Variants in SGCD observed in about 807,000 individuals in gnomAD.
SGCD encodes delta-sarcoglycan.
Under a neutral mutation model 36.6 loss-of-function variants are expected in SGCD, and 18 were observed. The ratio of observed to expected loss-of-function variants is 0.49; its 90% CI spans 0.34 to 0.73. The LOEUF is 0.73. Ranked by LOEUF, SGCD falls within the 30% of genes least tolerant of loss-of-function variation. The probability of loss-of-function intolerance (pLI) is 0.01; values close to 1 mark genes in which losing one functional copy is unlikely to be tolerated. For synonymous variants in SGCD, 133 were observed against 130.6 expected (o/e 1.02, Z -0.12); for missense variants, 387 against 346.7 (o/e 1.12, Z -0.92).
Position 156,602,185 on chromosome 5 carries a change from A to G in SGCD, c.502+7134A>G, listed in dbSNP as rs540089391. On this transcript the variant is annotated intron_variant, in intron 6 of 8. Coordinates refer to ENST00000337851, the MANE Select transcript of SGCD (RefSeq NM_000337.6). The stretch of plus-strand genomic sequence containing the variant: ...CACCTCCTTGCTTAAGTTTATTCAT[A>G]GGTATCTTATTTTTCGTAGCTATTG... 5.9e-5 allele frequency among the ~76,000 whole-genome samples: 9 copies of G among 152,276 alleles called. No homozygotes were observed. The East Asian group carries it at 1.7e-3, about 29-fold the overall frequency.
At chr5:156,055,855 A>G (rs1310047322) in intron 1 of SGCD, among the ~76,000 whole-genome samples, 1 of 146,244 alleles carries the variant, frequency 6.8e-6, no homozygotes, top group East Asian at 1.9e-4. Flanking sequence ...GCTTGCCACA[A>G]TGAAAGCATG....
chr5:156,506,177 C>G (rs923523744), intron 3 of SGCD, among the ~76,000 whole-genome samples: 8 of 152,066 alleles, frequency 5.3e-5, no homozygotes, highest in African/African-American at 1.9e-4. Flanking sequence ...TGAAACTATT[C>G]TGTGTGTGTT....
intron 1 of SGCD, among the ~76,000 whole-genome samples, chr5:155,909,472 G>A (rs1756588129): frequency 6.6e-6 from 1 of 152,100 alleles, no homozygotes; most frequent in African/African-American, 2.4e-5. Flanking sequence ...AGCATGCGCG[G>A]GTTATTGAGG....
chr5:155,755,835 G>T, the SGCD span, among the ~76,000 whole-genome samples: 9,782 of 152,202 alleles, frequency 0.064, 793 homozygotes, highest in African/African-American at 0.19. Context: ...CCTGTTATGT[G>T]CAGGGTGTTA....
intron 1 of SGCD, among the ~76,000 whole-genome samples, chr5:155,980,313 C>A (rs1033723575): frequency 5.3e-5 from 8 of 151,944 alleles, no homozygotes; most frequent in African/African-American, 1.9e-4. Context: ...TGGCCAGGAG[C>A]GGTGGTTCAC....
chr5:155,965,082 C>T (rs1757877995), intron 1 of SGCD, among the ~76,000 whole-genome samples: 1 of 152,056 alleles, frequency 6.6e-6, no homozygotes, highest in Non-Finnish European at 1.5e-5. Flanking sequence ...GGCCAGAGTC[C>T]TCCTTACCTA....
At chr5:156,563,440 G>C (rs1023344333) in intron 4 of SGCD, among the ~76,000 whole-genome samples, 1 of 152,326 alleles carries the variant, frequency 6.6e-6, no homozygotes, top group South Asian at 2.1e-4. Context: ...CAGTGGTAGA[G>C]CTGGGAGTCA....
chr5:156,524,502 A>G (rs1032222582), intron 4 of SGCD, among the ~76,000 whole-genome samples: 2 of 151,502 alleles, frequency 1.3e-5, no homozygotes, highest in Middle Eastern at 3.2e-3. Flanking sequence ...TACAAACTTA[A>G]TGATGTTTTA....
intron 3 of SGCD, among the ~76,000 whole-genome samples, chr5:156,191,169 C>T (rs911349810): frequency 6.6e-6 from 1 of 152,006 alleles, no homozygotes; most frequent in South Asian, 2.1e-4. Flanking sequence ...CTCAGCATTA[C>T]CCGGTTCCTA....
intron 2 of SGCD, among the ~76,000 whole-genome samples, chr5:156,339,105 A>G (rs1768511487): frequency 1.3e-5 from 2 of 152,164 alleles, no homozygotes; most frequent in African/African-American, 4.8e-5. Context: ...TCTACATCTA[A>G]AATATTTGAC....
At chr5:156,245,184 C>T (rs1041711884) in intron 3 of SGCD, among the ~76,000 whole-genome samples, 17 of 152,282 alleles carry the variant, frequency 1.1e-4, no homozygotes, top group East Asian at 3.9e-4. Context: ...ATTTATTTTA[C>T]GGTGCTTCCT....
intron 4 of SGCD, among the ~76,000 whole-genome samples, chr5:156,553,440 T>G (rs921273871): frequency 1.2e-4 from 18 of 152,328 alleles, no homozygotes; most frequent in African/African-American, 3.4e-4. Flanking sequence ...ACCTACCTGT[T>G]AATTCTTTTT....
intron 2 of SGCD, among the ~76,000 whole-genome samples, chr5:156,338,066 T>A (rs1443828192): frequency 6.6e-6 from 1 of 152,122 alleles, no homozygotes; most frequent in Non-Finnish European, 1.5e-5. Context: ...CTCTGCCTTA[T>A]GGTAGAGTTG....
chr5:156,320,095 A>ATGTGTG (rs1491543235), intron 3 of SGCD, among the ~76,000 whole-genome samples: 8 of 102,420 alleles, frequency 7.8e-5, no homozygotes, highest in African/African-American at 3.0e-4. Context: ...ACAGCCTTTG[A>ATGTGTG]TATGTGTGTG....
intron 4 of SGCD, among the ~76,000 whole-genome samples, chr5:156,560,587 C>A (rs1759227339): frequency 6.6e-6 from 1 of 152,150 alleles, no homozygotes; most frequent in Non-Finnish European, 1.5e-5. Context: ...GTTTAAAATT[C>A]AGATTCAGAT....
intron 1 of SGCD, among the ~76,000 whole-genome samples, chr5:156,030,702 C>A (rs545104347): frequency 6.6e-6 from 1 of 152,114 alleles, no homozygotes; most frequent in East Asian, 1.9e-4. Flanking sequence ...GTAGTCATTT[C>A]CATAGGGGGT....
intron 4 of SGCD, among the ~76,000 whole-genome samples, chr5:156,570,298 A>C (rs1196244886): frequency 7.0e-6 from 1 of 142,270 alleles, no homozygotes; most frequent in African/African-American, 2.6e-5. Flanking sequence ...GTAGATTCTC[A>C]ATTTCTTGGG....
At chr5:156,698,151 T>C (rs145572351) in intron 7 of SGCD, among the ~76,000 whole-genome samples, 2 of 152,256 alleles carry the variant, frequency 1.3e-5, no homozygotes, top group African/African-American at 4.8e-5. Flanking sequence ...TGTAGTCTAA[T>C]AGGAACAGTA....
rs200474037 is a variant in SGCD at position 155,956,124 on chromosome 5, TTC to T, written c.-282+85701_-282+85702del. Among the ~76,000 whole-genome samples the T allele has an allele frequency of 5.2e-3, 570 of 110,036 alleles. 4 individuals are homozygous for T. The highest frequency in any genetic ancestry group is 8.6e-3 in the Middle Eastern group (2 of 232). 72.2% of individuals were successfully genotyped at this position (110,036 alleles called of 152,430 possible). On this transcript the variant is annotated intron_variant, in intron 1 of 9. Transcript: ENST00000517913. ...TGCTCTTCTTGTTTTTTTTTTTTTTTTCCCACCTCTCCCACCTGTCACAGCTT... is the reference window on the plus strand; with the variant it reads ...TGCTCTTCTTGTTTTTTTTTTTTTTTCCACCTCTCCCACCTGTCACAGCTT...
Sources: allele counts gnomAD v4.1 joint callset (sites outside exome capture counted in the v4.1 genomes callset), GRCh38; gene constraint gnomAD v4.1.1; transcripts MANE v1.5; gene names NCBI Gene and HGNC (gene_info 2026-07-23, HGNC 2026-07-21).